Variants in ZNF616 observed in about 807,000 individuals in gnomAD.
The protein encoded by ZNF616 is zinc finger protein 616.
ZNF616 carries 5 observed loss-of-function variants against 7.6 expected under a neutral mutation model. The ratio of observed to expected loss-of-function variants is 0.66; its 90% CI spans 0.34 to 1.38. The LOEUF (loss-of-function observed/expected upper bound fraction) is 1.38. Among genes scored for constraint, ZNF616 ranks in the 40% most tolerant of loss-of-function variants. The pLI is 0.04. For synonymous variants in ZNF616, 319 were observed against 317.2 expected (o/e 1.01, Z -0.06); for missense variants, 913 against 948.3 (o/e 0.96, Z 0.49).
chr19:52,121,109 C>A (rs2088861449), intron 3 of ZNF616, among the ~76,000 whole-genome samples: 1 of 152,176 alleles, frequency 6.6e-6, no homozygotes, highest in African/African-American at 2.4e-5. Context: ...AGCTGGAAGG[C>A]AGTGGCGTGA....
At chr19:52,127,275 G>T (rs993928004) in intron 2 of ZNF616, among the ~76,000 whole-genome samples, 1 of 152,138 alleles carries the variant, frequency 6.6e-6, no homozygotes, top group Admixed American at 6.5e-5. Context: ...GGCTGGTCTT[G>T]AACTCCTGAC....
chr19:52,120,316 T>C (rs1013635493), intron 3 of ZNF616, among the ~76,000 whole-genome samples: 1 of 152,150 alleles, frequency 6.6e-6, no homozygotes, highest in African/African-American at 2.4e-5. Flanking sequence ...ACAAAGAATG[T>C]ATAGAAGACA....
At chr19:52,123,432 T>C (rs1193472261) in intron 3 of ZNF616, among the ~76,000 whole-genome samples, 1 of 152,206 alleles carries the variant, frequency 6.6e-6, no homozygotes. Flanking sequence ...AGAGAATTCC[T>C]TGAGCCCATG....
At chr19:52,130,652 C>T (rs1373408999) in intron 1 of ZNF616, 64 bp from the exon 2 acceptor site, 1 of 1,268,906 alleles carries the variant, frequency 7.9e-7, no homozygotes, top group Non-Finnish European at 1.1e-6. Flanking sequence ...GTGTCACAAC[C>T]ATGCACACAG....
At chr19:52,133,961 T>G (rs1267775613) in intron 1 of ZNF616, among the ~76,000 whole-genome samples, 3 of 152,094 alleles carry the variant, frequency 2.0e-5, no homozygotes, top group African/African-American at 7.2e-5. Context: ...CACTTATGAG[T>G]GAGAATACGC....
chr19:52,132,316 C>T (rs1046901237), intron 1 of ZNF616, among the ~76,000 whole-genome samples: 6 of 152,084 alleles, frequency 3.9e-5, no homozygotes, highest in Non-Finnish European at 5.9e-5. Context: ...GTCTCTTAGA[C>T]GGCTGAACAG....
chr19:52,133,636 A>T (rs2088981009), intron 1 of ZNF616, among the ~76,000 whole-genome samples: 1 of 151,956 alleles, frequency 6.6e-6, no homozygotes, highest in South Asian at 2.1e-4. Context: ...CTCCTGCCTC[A>T]GCCTCCTGCT....
At chr19:52,132,040 A>G (rs1396036700) in intron 1 of ZNF616, among the ~76,000 whole-genome samples, 3 of 152,182 alleles carry the variant, frequency 2.0e-5, no homozygotes, top group Admixed American at 6.5e-5. Flanking sequence ...GGTAGGGACG[A>G]GGTCTTCAAA....
Position 52,114,911 on chromosome 19 carries a change from C to T in ZNF616, c.2253G>A (p.Gly751=). 1.2e-6 allele frequency: 2 copies of T among 1,614,042 alleles called. No individual in the cohort carries two copies. The highest frequency in any genetic ancestry group is 1.7e-6 in the Non-Finnish European group (2 of 1,179,966). The change falls in exon 4 of 4, where the codon GGG becomes GGA. Residue 751 remains glycine, a synonymous_variant. Transcript: ENST00000600228. The stretch of plus-strand genomic sequence containing the variant: ...GGCCTGAGCGACAAATAAAAGATTT[C>T]CCACACTCATTACATTTATAAGGTT... ...GKKPYKCNEC[G]KSFICRSGLT...
At chr19:52,136,462 A>G (rs2089009668) in intron 1 of ZNF616, among the ~76,000 whole-genome samples, 2 of 152,124 alleles carry the variant, frequency 1.3e-5, no homozygotes, top group African/African-American at 4.8e-5. Context: ...AAAAAAACAT[A>G]CAAATGACCA....
intron 1 of ZNF616, among the ~76,000 whole-genome samples, chr19:52,136,339 G>A (rs1441630962): frequency 2.0e-5 from 3 of 152,028 alleles, no homozygotes; most frequent in African/African-American, 4.8e-5. Context: ...AAATTAGCCA[G>A]GCATAGTGGC....
In ZNF616 at chr19:52,116,285, A is replaced by T; in HGVS notation, c.879T>A (p.Gly293=). The change falls in exon 4 of 4, where the codon GGT becomes GGA. Residue 293 remains glycine (G), a synonymous_variant. Coordinates refer to ENST00000600228, the MANE Select transcript of ZNF616 (RefSeq NM_178523.5). ...HLAVHQRIHT[G]EKPYKCNLCG... is the part of the protein sequence containing the mutation. Reference sequence around the variant, plus strand: ...ACAGATTACATTTGTAAGGTTTTTCACCGGTATGAATTCTCTGATGAACTG... The same window carrying T: ...ACAGATTACATTTGTAAGGTTTTTCTCCGGTATGAATTCTCTGATGAACTG... 1 of 1,613,468 alleles carries T rather than the reference A, an allele frequency of 6.2e-7. No individual in the cohort carries two copies.
intron 2 of ZNF616, among the ~76,000 whole-genome samples, chr19:52,125,243 A>G (rs532197515): frequency 6.6e-6 from 1 of 152,336 alleles, no homozygotes; most frequent in East Asian, 1.9e-4. Flanking sequence ...GCTGCATCTA[A>G]CTATAATCTA....
In ZNF616 at chr19:52,116,733, A is replaced by T. The variant is rs777821035; in HGVS notation, c.431T>A (p.Phe144Tyr). The T allele has an allele frequency of 6.2e-7, 1 of 1,614,096 alleles. No homozygotes were observed. Among genetic ancestry groups the T allele is most frequent in the Non-Finnish European group, 8.5e-7 (1 of 1,180,020 alleles). ...NHIENQLTSN[F>Y]ESRLAELQKV... ...CTGCAGTTCAGCCAGACGTGACTCA[A>T]AGTTTGATGTAAGCTGGTTTTCAAT... Residue 144 changes from phenylalanine (F) to tyrosine (Y), a missense_variant, in exon 4 of 4, where the codon TTT becomes TAT. By Grantham distance (22) the Phe-to-Tyr change is conservative. Coordinates refer to ENST00000600228, the MANE Select transcript of ZNF616 (RefSeq NM_178523.5).
At chr19:52,125,334 G>A (rs114658288) in intron 2 of ZNF616, among the ~76,000 whole-genome samples, 3,549 of 152,232 alleles carry the variant, frequency 0.023, 130 homozygotes, top group African/African-American at 0.081. Flanking sequence ...GAAATCAAAC[G>A]ACTTAAGTGC....
At position 52,115,354 on chromosome 19, in the gene ZNF616, G is replaced by T. The variant is rs2088809586; in HGVS notation, c.1810C>A (p.Pro604Thr). 1 of 1,613,926 alleles carries T rather than the reference G, an allele frequency of 6.2e-7. No individual in the cohort carries two copies. Among genetic ancestry groups the T allele is most frequent in the Non-Finnish European group, 8.5e-7 (1 of 1,180,010 alleles). ...GHRRVHTGEK[P>T]YKCHECGKAF... ...TTGCCACATTCATGACATTTGTATG[G>T]TTTCTCTCCAGTATGAACTCTTCGA... is the stretch of plus-strand genomic sequence containing the variant. The change falls in exon 4 of 4, where the codon CCA becomes ACA. Residue 604 changes from proline to threonine, a missense_variant. Transcript: ENST00000600228.
chr19:52,126,381 A>G (rs1408454789), intron 2 of ZNF616, among the ~76,000 whole-genome samples: 1 of 152,128 alleles, frequency 6.6e-6, no homozygotes, highest in East Asian at 1.9e-4. Flanking sequence ...TACAAAAATT[A>G]GCCAGGCATG....
At position 52,116,093 on chromosome 19, in the gene ZNF616, T is replaced by C. The variant is rs1344985346; in HGVS notation, c.1071A>G (p.Val357=). 2.5e-6 allele frequency: 4 copies of C among 1,614,238 alleles called. No individual in the cohort carries two copies. In the South Asian group the frequency reaches 3.3e-5, roughly 13 times the overall value. ...HAGKKPYKCD[V]CGKAFRHRSN... ...ATCTATGTCTGAATGCCTTGCCACATACATCACATTTATATGGTTTCTTTC... is the reference window on the plus strand; with the variant it reads ...ATCTATGTCTGAATGCCTTGCCACACACATCACATTTATATGGTTTCTTTC... Residue 357 remains valine, a synonymous_variant, in exon 4 of 4, where the codon GTA becomes GTG. Coordinates refer to ENST00000600228, the MANE Select transcript of ZNF616 (RefSeq NM_178523.5).
At position 52,116,122 on chromosome 19, in the gene ZNF616, C is replaced by A; in HGVS notation, c.1042G>T (p.Ala348Ser). 1 of 1,613,590 alleles carries A rather than the reference C, an allele frequency of 6.2e-7. No homozygotes were observed. The highest frequency in any genetic ancestry group is 1.7e-5 in the Admixed American group (1 of 59,990). Residue 348 changes from alanine (A) to serine (S), a missense_variant, in exon 4 of 4, where the codon GCA (alanine) becomes TCA (serine). Coordinates refer to ENST00000600228, the MANE Select transcript of ZNF616 (RefSeq NM_178523.5). ...SNLTVHQVIHAGKKPYKCDVC... is the reference protein window; with the variant it reads ...SNLTVHQVIHSGKKPYKCDVC... The stretch of plus-strand genomic sequence containing the variant: ...TCACATTTATATGGTTTCTTTCCTG[C>A]ATGGATTACCTGATGTACAGTGAGG...
Sources: gnomAD v4.1 joint callset for allele counts (sites outside exome capture counted in the v4.1 genomes callset) on GRCh38, gnomAD v4.1.1 for gene constraint, MANE v1.5 for transcripts, NCBI Gene and HGNC (gene_info 2026-07-23, HGNC 2026-07-21) for gene names.